Variants in ZNF487 observed in about 807,000 individuals in gnomAD.
ZNF487 encodes the protein zinc finger protein 487.
ZNF487 carries 4 observed loss-of-function variants against 3.0 expected under a neutral mutation model. The ratio of observed to expected loss-of-function variants is 1.35; its 90% CI spans 0.66 to 3.08. The LOEUF (loss-of-function observed/expected upper bound fraction) is 3.08, where lower values mean the gene tolerates loss of function less well. Ranked by LOEUF, ZNF487 falls within the 30% of genes most tolerant of loss-of-function variation. The probability of loss-of-function intolerance (pLI) is 0.01; values close to 1 mark genes in which losing one functional copy is unlikely to be tolerated. For missense variants in ZNF487, 146 were observed against 98.7 expected, an observed-to-expected ratio of 1.48 and a Z score of -2.03; for synonymous variants, 55 against 34.6, an observed-to-expected ratio of 1.59 and a Z score of -2.06.
At chr10:43,523,886 GA>G in the ZNF487 span, 1 of 152,042 alleles carries the variant, frequency 6.6e-6, no homozygotes. Context: ...GAATCATGGG[GA>G]AAAAATACTA....
At chr10:43,475,009 C>T (rs769343252) in intron 1 of ZNF487, among the ~76,000 whole-genome samples, 9 of 152,138 alleles carry the variant, frequency 5.9e-5, no homozygotes, top group African/African-American at 9.7e-5. Context: ...CTGTACAAGG[C>T]GCAAACTTCC....
At chr10:43,493,803 G>A in the ZNF487 span, among the ~76,000 whole-genome samples, 5 of 145,630 alleles carry the variant, frequency 3.4e-5, no homozygotes, top group Admixed American at 2.1e-4. Flanking sequence ...CCCACACTCC[G>A]CTGTGCCTTA....
chr10:43,475,982 G>A (rs1480438672), intron 2 of ZNF487, 125 bp from the exon 3 acceptor site: 2 of 664,560 alleles, frequency 3.0e-6, no homozygotes, highest in African/African-American at 3.6e-5. Flanking sequence ...TCCCTTCTGG[G>A]CACTGTAAAG....
chr10:43,507,815 CT>C, the ZNF487 span, among the ~76,000 whole-genome samples: 1 of 152,242 alleles, frequency 6.6e-6, no homozygotes, highest in Non-Finnish European at 1.5e-5. Flanking sequence ...CATTGGGCCC[CT>C]GAACCTTTCC....
chr10:43,446,879 G>A (rs961901194), intron 1 of ZNF487, among the ~76,000 whole-genome samples: 1 of 152,120 alleles, frequency 6.6e-6, no homozygotes, highest in Admixed American at 6.6e-5. Flanking sequence ...CGGAGATCAC[G>A]CCACTGCACT....
At chr10:43,443,735 G>T (rs1839703239) in intron 1 of ZNF487, among the ~76,000 whole-genome samples, 1 of 151,660 alleles carries the variant, frequency 6.6e-6, no homozygotes, top group Admixed American at 6.6e-5. Flanking sequence ...GTCACCTAGG[G>T]TGGTCTCAAA....
At chr10:43,445,724 C>A (rs943713876) in intron 1 of ZNF487, among the ~76,000 whole-genome samples, 2 of 150,716 alleles carry the variant, frequency 1.3e-5, no homozygotes, top group Non-Finnish European at 2.9e-5. Flanking sequence ...GGTGTTTCTC[C>A]GAGGGGGGAT....
rs59076073 is a variant in ZNF487, at chr10:43,468,988, C to CA, written c.-93-6707dup. Among the ~76,000 whole-genome samples, 130 of 60,920 alleles carry CA rather than the reference C, an allele frequency of 2.1e-3. 8 individuals are homozygous for CA. The highest frequency in any genetic ancestry group is 0.012 in the East Asian group (20 of 1,694). The allele number at this position is 60,920 out of a possible 152,430, so 40.0% of individuals were successfully genotyped here. A position where few individuals can be genotyped will look rare whatever the true frequency, so the allele number is the denominator to read the frequency against. ...TGGGCTACAGAGTGAGACTCTATCT[C>CA]AAAAAAAAAAAAAAAAAAAAAAAAA... is the stretch of plus-strand genomic sequence containing the variant. On this transcript the variant is annotated intron_variant, in intron 1 of 3. Transcript: ENST00000437590.
At chr10:43,467,411 G>T (rs552901347) in intron 1 of ZNF487, among the ~76,000 whole-genome samples, 1 of 150,770 alleles carries the variant, frequency 6.6e-6, no homozygotes, top group Non-Finnish European at 1.5e-5. Flanking sequence ...CACCATATTG[G>T]CCAGGCTGGT....
At chr10:43,445,154 ATTTT>A (rs1277374679) in intron 1 of ZNF487, among the ~76,000 whole-genome samples, 1 of 144,246 alleles carries the variant, frequency 6.9e-6, no homozygotes, top group Admixed American at 7.0e-5. Flanking sequence ...CATTTTCAGA[ATTTT>A]TTTTTTTTTC....
At chr10:43,444,131 G>A (rs1254035510) in intron 1 of ZNF487, among the ~76,000 whole-genome samples, 2 of 152,114 alleles carry the variant, frequency 1.3e-5, no homozygotes, top group African/African-American at 4.8e-5. Flanking sequence ...GAGATTACAG[G>A]CGTGAGCCAC....
At chr10:43,500,324 T>C in the ZNF487 span, among the ~76,000 whole-genome samples, 1 of 152,072 alleles carries the variant, frequency 6.6e-6, no homozygotes, top group Non-Finnish European at 1.5e-5. Flanking sequence ...CAGTCATCTT[T>C]AGAAAACATG....
At chr10:43,464,212 C>T (rs1840560314) in intron 1 of ZNF487, among the ~76,000 whole-genome samples, 2 of 146,016 alleles carry the variant, frequency 1.4e-5, no homozygotes, top group Non-Finnish European at 3.0e-5. Context: ...GAGACAACGT[C>T]TCACTGTGTC....
At chr10:43,465,417 C>T (rs1318785587) in intron 1 of ZNF487, among the ~76,000 whole-genome samples, 1 of 151,652 alleles carries the variant, frequency 6.6e-6, no homozygotes, top group African/African-American at 2.4e-5. Flanking sequence ...CGGAGGGGCT[C>T]CTCACTTCTC....
chr10:43,519,200 G>A, the ZNF487 span, among the ~76,000 whole-genome samples: 11 of 152,066 alleles, frequency 7.2e-5, no homozygotes, highest in East Asian at 1.2e-3. Flanking sequence ...ACAAGTGTGA[G>A]CCACCATACA....
the ZNF487 span, among the ~76,000 whole-genome samples, chr10:43,515,036 G>A: frequency 6.6e-6 from 1 of 152,170 alleles, no homozygotes; most frequent in East Asian, 1.9e-4. Context: ...TAAACTATTA[G>A]AACCTTTTTT....
the ZNF487 span, among the ~76,000 whole-genome samples, chr10:43,507,430 C>T: frequency 2.0e-5 from 3 of 152,212 alleles, no homozygotes. Context: ...AATGGCCTTG[C>T]CTGGCACTTG....
the ZNF487 span, among the ~76,000 whole-genome samples, chr10:43,504,908 G>A: frequency 6.6e-6 from 1 of 151,480 alleles, no homozygotes. Context: ...GGTTTCACAT[G>A]TTGCCAAAGG....
At position 43,453,692 on chromosome 10, in the gene ZNF487, A is replaced by C. The variant is rs1840080222; in HGVS notation, c.-94+16430A>C. ...GTCACCAACAGACAGAAGTGATGTG[A>C]TTGGTTACTGATCATGACATGCATT... is the stretch of plus-strand genomic sequence containing the variant. On this transcript the variant is annotated intron_variant, in intron 1 of 3. Transcript: ENST00000437590. 2.0e-5 allele frequency: 3 copies of C among 152,332 alleles called. No homozygotes were observed. The South Asian group carries it at 6.2e-4, about 32-fold the overall frequency. The allele number at this position is 152,332 out of a possible 1,614,324, so 9.4% of individuals were successfully genotyped here.
Sources: allele counts gnomAD v4.1 joint callset (sites outside exome capture counted in the v4.1 genomes callset), GRCh38; gene constraint gnomAD v4.1.1; transcripts MANE v1.5; gene names NCBI Gene and HGNC (gene_info 2026-07-23, HGNC 2026-07-21).